RYR2: variants seen among roughly 807,000 people sequenced by gnomAD.
RYR2 encodes the protein cardiac muscle ryanodine receptor-calcium release channel.
A neutral mutation model predicts 601.1 loss-of-function variants in RYR2; 227 were observed. That is an observed-to-expected ratio of 0.38 (90% CI 0.34 to 0.42). RYR2 has a LOEUF of 0.42. Ranked by LOEUF, RYR2 falls within the 10% of genes least tolerant of loss-of-function variation. The pLI is 1.00. For missense variants in RYR2, 4,646 were observed against 6,156.5 expected (o/e 0.75, Z 8.21); for synonymous variants, 2,223 against 2,175.1 (o/e 1.02, Z -0.61).
At chr1:237,746,070 G>A (rs2149226463) in intron 80 of RYR2, among the ~76,000 whole-genome samples, 1 of 152,202 alleles carries the variant, frequency 6.6e-6, no homozygotes, top group African/African-American at 2.4e-5. Flanking sequence ...TCCCTATAAA[G>A]ATACTCTTCT....
chr1:237,181,749 A>G (rs1295057424), intron 1 of RYR2, among the ~76,000 whole-genome samples: 1 of 152,210 alleles, frequency 6.6e-6, no homozygotes, highest in Non-Finnish European at 1.5e-5. Flanking sequence ...ATGAATGTAA[A>G]GTAGGTTCTG....
chr1:237,407,609 GT>G lies in RYR2; in HGVS notation c.774-9420del, dbSNP rs35247530. On this transcript the variant is annotated intron_variant, in intron 10 of 104. Coordinates refer to ENST00000366574, the MANE Select transcript of RYR2 (RefSeq NM_001035.3). ...TTCTGGTGATTTTTAAATTGTGGTT[GT>G]TTTTTTTTTTTTTTTTTTTAAATTG... Among the ~76,000 whole-genome samples the G allele has an allele frequency of 1.0e-3, 120 of 118,856 alleles. 1 individual carries two copies. Among genetic ancestry groups the G allele is most frequent in the African/African-American group, 2.1e-3 (69 of 33,454 alleles). The allele number at this position is 118,856 out of a possible 152,430, so 78.0% of individuals were successfully genotyped here.
intron 12 of RYR2, among the ~76,000 whole-genome samples, chr1:237,425,357 A>G (rs1485873362): frequency 6.6e-6 from 1 of 152,150 alleles, no homozygotes; most frequent in Non-Finnish European, 1.5e-5. Flanking sequence ...TTGACTCTCC[A>G]AAAACTTAAC....
In RYR2 at chr1:237,214,624, A is replaced by T. The variant is rs150714072; in HGVS notation, c.49-55873A>T. ...CCGGGTTCCACCTCTGACATTGGGG[A>T]TCACATTTCAACATGAGCTTTGGAG... On this transcript the variant is annotated intron_variant, in intron 1 of 104. Coordinates refer to ENST00000366574, the MANE Select transcript of RYR2 (RefSeq NM_001035.3). 2.6e-5 allele frequency among the ~76,000 whole-genome samples: 4 copies of T among 152,304 alleles called. No homozygotes were observed. The East Asian group carries it at 7.7e-4, about 29-fold the overall frequency.
chr1:237,559,213 G>T (rs374750238), intron 27 of RYR2, among the ~76,000 whole-genome samples: 1 of 151,916 alleles, frequency 6.6e-6, no homozygotes, highest in Non-Finnish European at 1.5e-5. Context: ...CAAAATCCAG[G>T]GAGTGTTTAT....
intron 1 of RYR2, among the ~76,000 whole-genome samples, chr1:237,258,290 G>A (rs1367282940): frequency 6.6e-6 from 1 of 152,052 alleles, no homozygotes; most frequent in African/African-American, 2.4e-5. Context: ...GTGAGAAGGT[G>A]TTATAGATGG....
chr1:237,700,045 T>C (rs557139083), intron 64 of RYR2, among the ~76,000 whole-genome samples, 184 bp from the exon 65 acceptor site: 9 of 152,326 alleles, frequency 5.9e-5, no homozygotes, highest in Middle Eastern at 6.8e-3. Context: ...GAAAAGATAA[T>C]TTACAGAGCA....
At chr1:237,234,071 A>G (rs1685286983) in intron 1 of RYR2, among the ~76,000 whole-genome samples, 1 of 152,196 alleles carries the variant, frequency 6.6e-6, no homozygotes, top group African/African-American at 2.4e-5. Flanking sequence ...AGCAAGAGAC[A>G]TATACATGAA....
At chr1:237,240,500 T>C (rs1376115868) in intron 1 of RYR2, among the ~76,000 whole-genome samples, 1 of 152,052 alleles carries the variant, frequency 6.6e-6, no homozygotes, top group Non-Finnish European at 1.5e-5. Context: ...CTTAGTGGCC[T>C]TGAGTACCAT....
chr1:237,420,193 G>T (rs1392156155), intron 11 of RYR2, among the ~76,000 whole-genome samples: 1 of 152,084 alleles, frequency 6.6e-6, no homozygotes, highest in Non-Finnish European at 1.5e-5. Context: ...AATAGAAAAT[G>T]CTCTCCTATA....
chr1:237,427,100 A>T (rs1482149084), intron 12 of RYR2, among the ~76,000 whole-genome samples: 1 of 152,204 alleles, frequency 6.6e-6, no homozygotes, highest in Non-Finnish European at 1.5e-5. Flanking sequence ...AAACAAGATG[A>T]TGGAAGAGAG....
chr1:237,683,481 C>T (rs755531480), intron 62 of RYR2, among the ~76,000 whole-genome samples: 10 of 152,050 alleles, frequency 6.6e-5, no homozygotes, highest in South Asian at 4.1e-4. Context: ...TATAGAGGGG[C>T]GAGAGATTTA....
At chr1:237,677,791 G>C (rs1193273525) in intron 60 of RYR2, among the ~76,000 whole-genome samples, 1 of 152,040 alleles carries the variant, frequency 6.6e-6, no homozygotes, top group African/African-American at 2.4e-5. Flanking sequence ...AGATCTCAAA[G>C]CTACACAAAT....
chr1:237,447,388 T>C (rs1295822370), intron 14 of RYR2, among the ~76,000 whole-genome samples: 10 of 152,196 alleles, frequency 6.6e-5, no homozygotes, highest in Admixed American at 6.5e-4. Context: ...AACTATTACT[T>C]TTCTGATTAG....
intron 5 of RYR2, among the ~76,000 whole-genome samples, chr1:237,366,674 T>TCACACACACA (rs56679247): frequency 2.2e-3 from 325 of 144,908 alleles, no homozygotes; most frequent in African/African-American, 7.8e-3. Flanking sequence ...ACCTCTTTAG[T>TCACACACACA]CACACACACA....
chr1:237,417,722 T>C (rs1705157379), intron 11 of RYR2, among the ~76,000 whole-genome samples: 1 of 149,678 alleles, frequency 6.7e-6, no homozygotes, highest in African/African-American at 2.6e-5. Context: ...GTATAAAGTA[T>C]TTTTTTCTGA....
chr1:237,469,449 T>C (rs887114417), intron 17 of RYR2, among the ~76,000 whole-genome samples: 10 of 151,930 alleles, frequency 6.6e-5, no homozygotes, highest in Non-Finnish European at 1.5e-4. Flanking sequence ...AAGAAAAAAC[T>C]CTGATGTTTG....
chr1:237,742,324 G>C lies in RYR2; in HGVS notation c.11120G>C (p.Gly3707Ala), dbSNP rs755613281. 1.9e-6 allele frequency: 3 copies of C among 1,566,690 alleles called. No homozygotes were observed. Among genetic ancestry groups the C allele is most frequent in the Non-Finnish European group, 2.6e-6 (3 of 1,153,156 alleles). Residue 3707 changes from glycine (G) to alanine (A), a missense_variant, in exon 80 of 105, where the codon GGT (glycine) becomes GCT (alanine). Physicochemically the swap from Gly to Ala is moderately conservative, Grantham distance 60. This residue lies in a region of RYR2 where 1,497 missense variants were observed against 1,842.6 expected (regional missense o/e 0.81). Transcript: ENST00000366574. ...KSCHDEEDDD[G>A]EEEVKSFEEK... ...TGTCATGATGAGGAAGATGACGATG[G>C]TGAAGAGGAAGTGAAGAGTTTTGAA...
At chr1:237,695,155 A>G (rs1422721996) in intron 63 of RYR2, among the ~76,000 whole-genome samples, 1 of 152,202 alleles carries the variant, frequency 6.6e-6, no homozygotes, top group African/African-American at 2.4e-5. Flanking sequence ...ATTTGGGATT[A>G]ATATGCAAAA....
Sources: gnomAD v4.1 joint callset for allele counts (sites outside exome capture counted in the v4.1 genomes callset) on GRCh38, gnomAD v4.1.1 for gene constraint, gnomAD v4.1.1 regional missense constraint, MANE v1.5 for transcripts, NCBI Gene and HGNC (gene_info 2026-07-23, HGNC 2026-07-21) for gene names.